Variants in B3GALNT2 observed in about 807,000 individuals in gnomAD.
The protein encoded by B3GALNT2 is beta-1,3-N-acetylgalactosaminyltransferase 2.
A neutral mutation model predicts 61.1 loss-of-function variants in B3GALNT2; 53 were observed. The ratio of observed to expected loss-of-function variants is 0.87; its 90% confidence interval spans 0.70 to 1.09. The LOEUF (loss-of-function observed/expected upper bound fraction) is 1.09. Ranked by LOEUF, B3GALNT2 falls within the 50% of genes least tolerant of loss-of-function variation. The pLI, the probability that B3GALNT2 is intolerant of heterozygous loss-of-function variation, is 0.00. For missense variants in B3GALNT2, 544 were observed against 623.0 expected (o/e 0.87, Z 1.35); for synonymous variants, 223 against 237.4 (o/e 0.94, Z 0.56).
chr1:235,481,995 T>C (rs190603614), intron 4 of B3GALNT2, among the ~76,000 whole-genome samples: 1 of 152,362 alleles, frequency 6.6e-6, no homozygotes, highest in African/African-American at 2.4e-5. Context: ...TATTTGTGTA[T>C]TTATTGATGA....
At chr1:235,501,304 T>C (rs1685571164) in intron 1 of B3GALNT2, among the ~76,000 whole-genome samples, 2 of 152,214 alleles carry the variant, frequency 1.3e-5, no homozygotes, top group Admixed American at 6.5e-5. Context: ...TTTCCCTGAC[T>C]GGTTTAAGGG....
intron 11 of B3GALNT2, chr1:235,452,333 T>C (rs1317502843): frequency 6.6e-6 from 1 of 152,206 alleles, no homozygotes; most frequent in Non-Finnish European, 1.5e-5. Flanking sequence ...CTGAGTTTTT[T>C]TGTAGGCAGG....
intron 7 of B3GALNT2, among the ~76,000 whole-genome samples, chr1:235,461,238 T>G (rs1395096735): frequency 6.6e-6 from 1 of 152,192 alleles, no homozygotes; most frequent in East Asian, 1.9e-4. Flanking sequence ...ACTGGACAAG[T>G]TCTGTTGTCT....
At chr1:235,494,908 A>C in intron 1 of B3GALNT2, 80 bp from the exon 2 acceptor site, 1 of 1,283,026 alleles carries the variant, frequency 7.8e-7, no homozygotes, top group Non-Finnish European at 1.1e-6. Context: ...AGTTTATTAC[A>C]AAATAAGCTT....
At chr1:235,442,273 C>T (rs1309888399), downstream of B3GALNT2, among the ~76,000 whole-genome samples, 8 of 152,160 alleles carry the variant, frequency 5.3e-5, no homozygotes, top group African/African-American at 1.7e-4. Context: ...CGGGTTCAAG[C>T]GATTTTCGTG....
Position 235,475,305 on chromosome 1 carries a change from A to G in B3GALNT2, c.652-4345T>C, listed in dbSNP as rs189655433. ...AGCCACCACGCCCAGCCAAAACATA[A>G]ATATTTTAAGAGAAACACACAGTAG... On this transcript the variant is annotated intron_variant, in intron 5 of 11. Transcript: ENST00000366600. 7.5e-4 allele frequency among the ~76,000 whole-genome samples: 114 copies of G among 151,880 alleles called. 1 individual carries two copies. The highest frequency in any genetic ancestry group is 2.7e-3 in the African/African-American group (111 of 41,444).
Position 235,455,615 on chromosome 1 carries a change from A to C in B3GALNT2, c.1095T>G (p.Ala365=). The C allele has an allele frequency of 1.2e-6, 2 of 1,606,846 alleles. No homozygotes were observed. Among genetic ancestry groups the C allele is most frequent in the Non-Finnish European group, 1.7e-6 (2 of 1,173,306 alleles). The change falls in exon 9 of 12, where the codon GCT becomes GCG. Residue 365 remains alanine (A), a synonymous_variant. Coordinates refer to ENST00000366600, the MANE Select transcript of B3GALNT2 (RefSeq NM_152490.5). ...TDDDCYIDLE[A]VFNRIVQKNL... ...TCTTTTGGACAATCCTATTAAATACAGCTTCGAGGTCTATGTAACAGTCAT... is the reference window on the plus strand; with the variant it reads ...TCTTTTGGACAATCCTATTAAATACCGCTTCGAGGTCTATGTAACAGTCAT...
At chr1:235,462,772 C>A (rs534547507) in intron 7 of B3GALNT2, among the ~76,000 whole-genome samples, 1 of 152,246 alleles carries the variant, frequency 6.6e-6, no homozygotes, top group Non-Finnish European at 1.5e-5. Context: ...CAGGTTGATC[C>A]ACAGATAGAA....
chr1:235,475,181 T>A lies in B3GALNT2; in HGVS notation c.652-4221A>T, dbSNP rs181147155. 3.6e-3 allele frequency among the ~76,000 whole-genome samples: 547 copies of A among 151,094 alleles called. 6 individuals are homozygous for A. Among genetic ancestry groups the A allele is most frequent in the African/African-American group, 0.013 (530 of 41,160 alleles). On this transcript the variant is annotated intron_variant, in intron 5 of 11. Coordinates refer to ENST00000366600, the MANE Select transcript of B3GALNT2 (RefSeq NM_152490.5). ...CCTGGCTAATTTTTTGTATTTTTAGTAGAGATGGGGTTTCACCATGTTAGC... is the reference window on the plus strand; with the variant it reads ...CCTGGCTAATTTTTTGTATTTTTAGAAGAGATGGGGTTTCACCATGTTAGC...
chr1:235,473,387 T>C (rs1684096393), intron 5 of B3GALNT2, among the ~76,000 whole-genome samples: 1 of 152,248 alleles, frequency 6.6e-6, no homozygotes, highest in African/African-American at 2.4e-5. Context: ...ATAGCATATA[T>C]ACTTAGGATA....
In B3GALNT2 at chr1:235,448,402, C is replaced by G; in HGVS notation, c.*1804G>C. The G allele has an allele frequency of 6.2e-7, 1 of 1,614,054 alleles. No homozygotes were observed. Among genetic ancestry groups the G allele is most frequent in the Non-Finnish European group, 8.5e-7 (1 of 1,179,974 alleles). On this transcript the variant is annotated 3_prime_UTR_variant, in exon 12 of 12. Transcript: ENST00000366600. ...ATTGCTGTCACGTCTTCTCAAAGTT[C>G]CTGTGTCAGACCTTCTGTTGTCCTA...
At chr1:235,445,795 C>T (rs1682222228), downstream of B3GALNT2, among the ~76,000 whole-genome samples, 1 of 152,002 alleles carries the variant, frequency 6.6e-6, no homozygotes. Flanking sequence ...ATGCTCTGAC[C>T]AAGCATTGTA....
At chr1:235,496,458 G>T in intron 1 of B3GALNT2, 1 of 356,196 alleles carries the variant, frequency 2.8e-6, no homozygotes, top group Non-Finnish European at 4.1e-6. Flanking sequence ...TTATTAATAG[G>T]CCATATTTAT....
intron 3 of B3GALNT2, among the ~76,000 whole-genome samples, chr1:235,488,316 A>G (rs1257386894): frequency 1.3e-5 from 2 of 152,162 alleles, no homozygotes; most frequent in Non-Finnish European, 2.9e-5. Context: ...CACACTGAAA[A>G]ATAAAGTCTC....
At chr1:235,491,528 C>T (rs969086011) in intron 2 of B3GALNT2, among the ~76,000 whole-genome samples, 5 of 152,172 alleles carry the variant, frequency 3.3e-5, no homozygotes, top group Admixed American at 6.6e-5. Context: ...TCAACATATA[C>T]ACAACTGAGC....
chr1:235,449,361 G>C lies in B3GALNT2; in HGVS notation c.*845C>G, dbSNP rs1682752308. 6.5e-6 allele frequency: 1 copy of C among 153,710 alleles called. No individual in the cohort carries two copies. Among genetic ancestry groups the C allele is most frequent in the South Asian group, 2.0e-4 (1 of 4,966 alleles). The allele number at this position is 153,710 out of a possible 1,614,324, so 9.5% of individuals were successfully genotyped here. On this transcript the variant is annotated 3_prime_UTR_variant, in exon 12 of 12. Coordinates refer to ENST00000366600, the MANE Select transcript of B3GALNT2 (RefSeq NM_152490.5). ...TTTGATTGAAATGTACTCATATTAG[G>C]TAAACATTAGGCAATGATAGGAGGA...
chr1:235,503,192 G>C (rs1258531274), intron 1 of B3GALNT2, among the ~76,000 whole-genome samples: 7 of 152,202 alleles, frequency 4.6e-5, no homozygotes, highest in Non-Finnish European at 7.3e-5. Flanking sequence ...CAGCTGTTTT[G>C]GGGAGAGATG....
chr1:235,443,017 G>A, downstream of B3GALNT2: 1 of 1,087,306 alleles, frequency 9.2e-7, no homozygotes, highest in Non-Finnish European at 1.4e-6. Flanking sequence ...GTGGACCTCA[G>A]AACTTACAGG....
In B3GALNT2 at chr1:235,480,100, A is replaced by T. The variant is rs1226190271; in HGVS notation, c.605T>A (p.Val202Glu). Residue 202 changes from valine (V) to glutamate (E), a missense_variant, in exon 5 of 12, where the codon GTG (valine) becomes GAG (glutamate). Val to Glu is a moderately radical substitution (Grantham distance 121, BLOSUM62 -2). Transcript: ENST00000366600. ...RFSPPSCGVQ[V>E]NKLWYKPVEQ... ...CACGGGCTTGTACCACAGCTTGTTC[A>T]CCTGCACACCACAGCTTGGAGGACT... The T allele has an allele frequency of 6.2e-7, 1 of 1,613,832 alleles. No homozygotes were observed. Among genetic ancestry groups the T allele is most frequent in the Non-Finnish European group, 8.5e-7 (1 of 1,179,832 alleles).
Sources: allele counts gnomAD v4.1 joint callset (sites outside exome capture counted in the v4.1 genomes callset), GRCh38; gene constraint gnomAD v4.1.1; transcripts MANE v1.5; gene names NCBI Gene and HGNC (gene_info 2026-07-23, HGNC 2026-07-21).